Variants in PPDPFL observed in about 807,000 individuals in gnomAD.
The protein encoded by PPDPFL is pancreatic progenitor cell differentiation and proliferation factor-like protein.
Under a neutral mutation model 12.6 loss-of-function variants are expected in PPDPFL, and 12 were observed. The ratio of observed to expected loss-of-function variants is 0.95; its 90% CI spans 0.61 to 1.54. The LOEUF is 1.54. Among genes scored for constraint, PPDPFL ranks in the 40% most tolerant of loss-of-function variants. PPDPFL has a pLI of 0.00. For synonymous variants in PPDPFL, 24 were observed against 32.7 expected (o/e 0.73, Z 0.91); for missense variants, 114 against 96.0 (o/e 1.19, Z -0.78).
At chr8:49,075,073 A>G (rs1461250774) in intron 4 of PPDPFL, 79 bp from the exon 5 acceptor site, 5 of 1,559,178 alleles carry the variant, frequency 3.2e-6, no homozygotes, top group Non-Finnish European at 4.3e-6. Flanking sequence ...ACTCTTTATC[A>G]AGTTTATTCA....
chr8:49,070,756 A>G (rs1808370632), upstream of PPDPFL, among the ~76,000 whole-genome samples: 1 of 152,184 alleles, frequency 6.6e-6, no homozygotes, highest in Non-Finnish European at 1.5e-5. Context: ...GTGTATATTT[A>G]AGATGTACAA....
intron 1 of PPDPFL, among the ~76,000 whole-genome samples, chr8:49,055,265 C>T (rs1354869025): frequency 1.3e-5 from 2 of 152,102 alleles, no homozygotes; most frequent in Non-Finnish European, 1.5e-5. Flanking sequence ...CCATCAGAGT[C>T]AACAACAGTG....
chr8:49,074,878 T>C (rs1275880491), intron 4 of PPDPFL: 33 of 1,385,836 alleles, frequency 2.4e-5, no homozygotes, highest in Middle Eastern at 2.7e-4. Context: ...GAATGCCTAG[T>C]AACTAAATGG....
upstream of PPDPFL, among the ~76,000 whole-genome samples, chr8:49,071,628 C>A (rs1808391976): frequency 6.6e-6 from 1 of 151,742 alleles, no homozygotes; most frequent in Non-Finnish European, 1.5e-5. Flanking sequence ...TGCACTCCAG[C>A]CTGGGCGACA....
At chr8:49,064,002 G>C (rs574563376) in intron 1 of PPDPFL, among the ~76,000 whole-genome samples, 125 of 152,270 alleles carry the variant, frequency 8.2e-4, no homozygotes, top group Non-Finnish European at 1.4e-3. Context: ...TTTTTATGGA[G>C]GGTTGGTCAT....
intron 1 of PPDPFL, among the ~76,000 whole-genome samples, chr8:49,062,469 A>G (rs1179521884): frequency 6.6e-6 from 1 of 152,208 alleles, no homozygotes; most frequent in Non-Finnish European, 1.5e-5. Flanking sequence ...GTTGTGTTTC[A>G]CAGGGAACAC....
chr8:49,075,161 G>A lies in PPDPFL; in HGVS notation c.243G>A (p.Met81Ile). 1 of 1,613,450 alleles carries A rather than the reference G, an allele frequency of 6.2e-7. No individual in the cohort carries two copies. The highest frequency in any genetic ancestry group is 8.5e-7 in the Non-Finnish European group (1 of 1,179,518). The change falls in exon 5 of 5, where the codon ATG (methionine) becomes ATA (isoleucine). Residue 81 changes from methionine (M) to isoleucine (I), a missense_variant. Physicochemically the swap from Met to Ile is conservative, Grantham distance 10. Coordinates refer to ENST00000522267, the MANE Select transcript of PPDPFL (RefSeq NM_001256597.2). ...TATAAAATCAACCCAGATTACAGAT[G>A]AGCACTTTGTAGCTGATCATCTTTG... ...IKDLSATGLQMSTL is the reference protein window; with the variant it reads ...IKDLSATGLQISTL
At chr8:49,066,180 C>T (rs528629075) in intron 1 of PPDPFL, among the ~76,000 whole-genome samples, 13 of 152,272 alleles carry the variant, frequency 8.5e-5, no homozygotes, top group Admixed American at 5.9e-4. Context: ...GTTGCCTAGT[C>T]GGGTGGATGA....
At chr8:49,064,305 C>A (rs1355403282) in intron 1 of PPDPFL, among the ~76,000 whole-genome samples, 6 of 152,144 alleles carry the variant, frequency 3.9e-5, no homozygotes, top group Non-Finnish European at 1.5e-5. Flanking sequence ...TCTGGGTAAA[C>A]CATTTGTCTC....
chr8:49,060,595 G>A (rs1030886036), intron 1 of PPDPFL, among the ~76,000 whole-genome samples: 1 of 152,144 alleles, frequency 6.6e-6, no homozygotes, highest in Non-Finnish European at 1.5e-5. Context: ...TTACAGCTGT[G>A]AGCCACCGTG....
At chr8:49,066,478 C>T (rs563712821) in intron 1 of PPDPFL, among the ~76,000 whole-genome samples, 23 of 152,242 alleles carry the variant, frequency 1.5e-4, no homozygotes, top group African/African-American at 5.5e-4. Flanking sequence ...CTGAGTGACT[C>T]CCAGAAGTGC....
At chr8:49,062,314 G>A (rs1460190115) in intron 1 of PPDPFL, among the ~76,000 whole-genome samples, 1 of 152,164 alleles carries the variant, frequency 6.6e-6, no homozygotes, top group East Asian at 1.9e-4. Context: ...CCGATATGTT[G>A]TGAGGATAAT....
chr8:49,075,064 C>T (rs1585677657), intron 4 of PPDPFL, 88 bp from the exon 5 acceptor site: 3 of 1,537,384 alleles, frequency 2.0e-6, no homozygotes, highest in Middle Eastern at 1.7e-4. Flanking sequence ...TTTCTTGACA[C>T]TCTTTATCAA....
intron 1 of PPDPFL, among the ~76,000 whole-genome samples, chr8:49,057,325 C>T (rs1319120408): frequency 1.3e-5 from 2 of 152,004 alleles, no homozygotes; most frequent in African/African-American, 4.8e-5. Flanking sequence ...TTCTTTTCCT[C>T]CTAATAAGCC....
chr8:49,059,250 G>T (rs1808158606), intron 1 of PPDPFL, among the ~76,000 whole-genome samples: 1 of 152,052 alleles, frequency 6.6e-6, no homozygotes, highest in Non-Finnish European at 1.5e-5. Flanking sequence ...TGTGGTGTGG[G>T]GTTGGGTGTG....
At chr8:49,059,183 C>T (rs756990688) in intron 1 of PPDPFL, among the ~76,000 whole-genome samples, 3 of 152,126 alleles carry the variant, frequency 2.0e-5, no homozygotes, top group South Asian at 2.1e-4. Context: ...AAATGCTATC[C>T]TATTTCCAGA....
At chr8:49,072,944 G>T in intron 2 of PPDPFL, 59 bp downstream of exon 2, 2 of 1,419,182 alleles carry the variant, frequency 1.4e-6, no homozygotes, top group South Asian at 1.2e-5. Context: ...GATGTTTGTG[G>T]GATATTGTTA....
rs1001201014 is a variant in PPDPFL, at chr8:49,074,728, T to A, written c.233+395T>A. The A allele has an allele frequency of 2.2e-5, 32 of 1,454,056 alleles. No homozygotes were observed. The East Asian group carries it at 4.0e-4, about 18-fold the overall frequency. The allele number at this position is 1,454,056 out of a possible 1,614,324, so 90.1% of individuals were successfully genotyped here. A position where few individuals can be genotyped will look rare whatever the true frequency, so the allele number is the denominator to read the frequency against. ...ATAACACTGCTGATTTTGATTAGCT[T>A]CTGTGTGGTGCAAATTACTAGACAG... On this transcript the variant is annotated intron_variant, in intron 4 of 4. Coordinates refer to ENST00000522267, the MANE Select transcript of PPDPFL (RefSeq NM_001256597.2).
intron 1 of PPDPFL, among the ~76,000 whole-genome samples, chr8:49,056,895 T>C (rs1410835474): frequency 6.6e-6 from 1 of 152,212 alleles, no homozygotes; most frequent in African/African-American, 2.4e-5. Context: ...GCCACTCATA[T>C]AAATAGCTGT....
Sources: gnomAD v4.1 joint callset for allele counts (sites outside exome capture counted in the v4.1 genomes callset) on GRCh38, gnomAD v4.1.1 for gene constraint, MANE v1.5 for transcripts, NCBI Gene and HGNC (gene_info 2026-07-23, HGNC 2026-07-21) for gene names.